Variants in HPCAL1 observed in about 807,000 individuals in gnomAD.
HPCAL1 encodes the protein hippocalcin-like protein 1.
HPCAL1 carries 8 observed loss-of-function variants against 17.1 expected under a neutral mutation model. The observed-to-expected ratio is 0.47, with a 90% CI of 0.27 to 0.84. The LOEUF (loss-of-function observed/expected upper bound fraction) is 0.84. HPCAL1 is among the 40% of genes least tolerant of loss of function. The pLI is 0.13. For synonymous variants in HPCAL1, 112 were observed against 111.4 expected, an observed-to-expected ratio of 1.01 and a Z score of -0.03; for missense variants, 165 against 271.1, an observed-to-expected ratio of 0.61 and a Z score of 2.75.
At chr2:10,402,938 G>C (rs1003943373) in intron 2 of HPCAL1, among the ~76,000 whole-genome samples, 1 of 152,160 alleles carries the variant, frequency 6.6e-6, no homozygotes, top group Non-Finnish European at 1.5e-5. Flanking sequence ...ATTTACAATG[G>C]TATTTCTTAC....
chr2:10,358,887 T>C (rs116709666), intron 1 of HPCAL1, among the ~76,000 whole-genome samples: 1,763 of 152,184 alleles, frequency 0.012, 44 homozygotes, highest in African/African-American at 0.04. Flanking sequence ...AGGGGTATAA[T>C]TGAGCTGACT....
chr2:10,365,933 C>G lies in HPCAL1; in HGVS notation c.-110-30902C>G, dbSNP rs1318201929. Among the ~76,000 whole-genome samples, 1 of 152,322 alleles carries G rather than the reference C, an allele frequency of 6.6e-6. No individual in the cohort carries two copies. Among genetic ancestry groups the G allele is most frequent in the East Asian group, 1.9e-4 (1 of 5,184 alleles). ...GAGATCAGCTATACGTGATATAGAC[C>G]AGGGATGCACGCCTCATGAGGAGAC... On this transcript the variant is annotated intron_variant, in intron 1 of 4. Transcript: ENST00000307845. This position sits in a 1 kb window ranked among gnomAD's most constrained non-coding sequence, Gnocchi z 4.8.
In HPCAL1 at chr2:10,331,125, G is replaced by A. The variant is rs56266907; in HGVS notation, c.-111+27948G>A. Among the ~76,000 whole-genome samples, 12,147 of 152,066 alleles carry A rather than the reference G, an allele frequency of 0.08. 588 individuals are homozygous for A. The highest frequency in any genetic ancestry group is 0.19 in the East Asian group (977 of 5,158). ...GTTTCTCTAAGCCTTGCAAGTGACC[G>A]CACCCTCTTACTGCATGCGGGCCTT... On this transcript the variant is annotated intron_variant, in intron 1 of 4. Transcript: ENST00000307845. This position sits in a 1 kb window ranked among gnomAD's most constrained non-coding sequence, Gnocchi z 5.0.
In HPCAL1 at chr2:10,330,069, A is replaced by G. The variant is rs1664260668; in HGVS notation, c.-111+26892A>G. The G allele has an allele frequency of 6.7e-6, 1 of 149,574 alleles. No homozygotes were observed. Among genetic ancestry groups the G allele is most frequent in the Non-Finnish European group, 1.5e-5 (1 of 67,962 alleles). 9.3% of individuals were successfully genotyped at this position (149,574 alleles called of 1,614,324 possible). A position where few individuals can be genotyped will look rare whatever the true frequency, so the allele number is the denominator to read the frequency against. Reference sequence around the variant, plus strand: ...CCTCAAAACACTTCCTGTTATTTAAATCTTGGTCCTTTGATTTTTTTTTTT... The same window carrying G: ...CCTCAAAACACTTCCTGTTATTTAAGTCTTGGTCCTTTGATTTTTTTTTTT... On this transcript the variant is annotated intron_variant, in intron 1 of 4. Transcript: ENST00000307845. This position sits in a 1 kb window ranked among gnomAD's most constrained non-coding sequence, Gnocchi z 4.2.
chr2:10,313,615 C>G (rs1663119918), intron 1 of HPCAL1, among the ~76,000 whole-genome samples: 1 of 152,160 alleles, frequency 6.6e-6, no homozygotes, highest in South Asian at 2.1e-4. Flanking sequence ...CAGAGTGACT[C>G]CCATCCCATC....
At chr2:10,355,566 TGTTCAGTGGGCAGCA>T in intron 1 of HPCAL1, among the ~76,000 whole-genome samples, 1 of 151,412 alleles carries the variant, frequency 6.6e-6, no homozygotes, top group Admixed American at 6.6e-5. Flanking sequence ...TGTAAAAAGT[TGTTCAGTGGGCAGCA>T]GTAAAGAGGG....
At position 10,377,238 on chromosome 2, in the gene HPCAL1, C is replaced by CCACGCAGGCCGCGCT. The variant is rs1280781888; in HGVS notation, c.-110-19597_-110-19596insCACGCAGGCCGCGCT. 2.6e-5 allele frequency among the ~76,000 whole-genome samples: 4 copies of CCACGCAGGCCGCGCT among 152,170 alleles called. No homozygotes were observed. The highest frequency in any genetic ancestry group is 1.5e-5 in the Non-Finnish European group (1 of 68,030). ...GAGGAGGCTGCCACGCAGGCCGCGC[C>CCACGCAGGCCGCGCT]GCCCCGAATGGCAGGTGGAAGGCGG... On this transcript the variant is annotated intron_variant, in intron 1 of 4. Transcript: ENST00000307845. The surrounding 1 kb of genome is among the most constrained non-coding windows in gnomAD (Gnocchi z 5.9).
At chr2:10,332,664 C>G (rs1397633332) in intron 1 of HPCAL1, among the ~76,000 whole-genome samples, 1 of 152,156 alleles carries the variant, frequency 6.6e-6, no homozygotes, top group Non-Finnish European at 1.5e-5. Flanking sequence ...GGGGAGAGAT[C>G]AGCCCAACTC....
chr2:10,422,770 G>A (rs776814305), intron 3 of HPCAL1, among the ~76,000 whole-genome samples: 1 of 152,202 alleles, frequency 6.6e-6, no homozygotes, highest in Non-Finnish European at 1.5e-5. Context: ...CACCCTCCCA[G>A]TAGAACCCTT....
At chr2:10,424,482 G>A in intron 4 of HPCAL1, 1 of 470,922 alleles carries the variant, frequency 2.1e-6, no homozygotes, top group South Asian at 1.5e-5. Flanking sequence ...TTTTAGCAGG[G>A]CTTGCACTCC....
Position 10,310,948 on chromosome 2 carries a change from C to T in HPCAL1, c.-111+7771C>T, listed in dbSNP as rs1389353158. Among the ~76,000 whole-genome samples, 1 of 152,178 alleles carries T rather than the reference C, an allele frequency of 6.6e-6. No homozygotes were observed. The highest frequency in any genetic ancestry group is 2.4e-5 in the African/African-American group (1 of 41,428). On this transcript the variant is annotated intron_variant, in intron 1 of 4. Transcript: ENST00000307845. This position sits in a 1 kb window ranked among gnomAD's most constrained non-coding sequence, Gnocchi z 4.5. The stretch of plus-strand genomic sequence containing the variant: ...CACTCCCATCTTTTCTATTTGCTGC[C>T]CTGTAATCAATTTTTGGAGAGAAGT...
chr2:10,423,109 G>T (rs777335540), intron 4 of HPCAL1, 21 bp downstream of exon 4: 7 of 1,547,450 alleles, frequency 4.5e-6, no homozygotes, highest in African/African-American at 1.4e-5. Flanking sequence ...GTGGGGGCGG[G>T]GCTGCATGTG....
intron 1 of HPCAL1, among the ~76,000 whole-genome samples, chr2:10,389,352 G>C (rs1572788496): frequency 6.6e-6 from 1 of 152,218 alleles, no homozygotes; most frequent in East Asian, 1.9e-4. Context: ...CAGTCCCTCT[G>C]CTGCCGCTGG....
chr2:10,426,686 G>A (rs746439234), intron 4 of HPCAL1, 38 bp from the exon 5 acceptor site: 2 of 1,514,368 alleles, frequency 1.3e-6, no homozygotes, highest in East Asian at 2.3e-5. Context: ...AAAGAACAGT[G>A]AGCACTGGCT....
At chr2:10,317,560 G>A (rs1663398330) in intron 1 of HPCAL1, among the ~76,000 whole-genome samples, 2 of 152,048 alleles carry the variant, frequency 1.3e-5, no homozygotes. Context: ...TGGGAGTACC[G>A]GGATGCACCA....
rs1056548071 is a variant in HPCAL1, at chr2:10,365,325, G to A, written c.-110-31510G>A. ...TGCACCTGCCTCCAGGTGGTGGCGC[G>A]GTAATTGCAAGAGCGTGAGCCCCTC... On this transcript the variant is annotated intron_variant, in intron 1 of 4. Transcript: ENST00000307845. The surrounding 1 kb of genome is among the most constrained non-coding windows in gnomAD (Gnocchi z 4.8). 2.6e-5 allele frequency among the ~76,000 whole-genome samples: 4 copies of A among 152,184 alleles called. No individual in the cohort carries two copies. The highest frequency in any genetic ancestry group is 2.1e-4 in the South Asian group (1 of 4,830).
rs1666933397 is a variant in HPCAL1 at position 10,367,720 on chromosome 2, G to A, written c.-110-29115G>A. 6.6e-6 allele frequency among the ~76,000 whole-genome samples: 1 copy of A among 152,160 alleles called. No homozygotes were observed. Among genetic ancestry groups the A allele is most frequent in the African/African-American group, 2.4e-5 (1 of 41,428 alleles). On this transcript the variant is annotated intron_variant, in intron 1 of 4. Coordinates refer to ENST00000307845, the MANE Select transcript of HPCAL1 (RefSeq NM_002149.4). The surrounding 1 kb of genome is among the most constrained non-coding windows in gnomAD (Gnocchi z 4.4). ...ACCCACACTCCCATGGAAAGCCTTA[G>A]AACTGATGTCAGTGTGAGCCCTGTG...
In HPCAL1 at chr2:10,419,690, C is replaced by T. The variant is rs542519492; in HGVS notation, c.-24-44C>T. 6 of 1,552,552 alleles carry T rather than the reference C, an allele frequency of 3.9e-6. No homozygotes were observed. The South Asian group carries it at 6.2e-5, about 16-fold the overall frequency. ...CTCCGGCACATGGCTCAGCCCTGCTCCGTGGCCGTGGGTGGCGTCCCCGGC... is the reference window on the plus strand; with the variant it reads ...CTCCGGCACATGGCTCAGCCCTGCTTCGTGGCCGTGGGTGGCGTCCCCGGC... On this transcript the variant is annotated intron_variant, in intron 2 of 4. Coordinates refer to ENST00000307845, the MANE Select transcript of HPCAL1 (RefSeq NM_002149.4). The surrounding 1 kb of genome is among the most constrained non-coding windows in gnomAD (Gnocchi z 5.0).
chr2:10,377,796 C>T lies in HPCAL1; in HGVS notation c.-110-19039C>T, dbSNP rs1667668447. 6.6e-6 allele frequency among the ~76,000 whole-genome samples: 1 copy of T among 152,096 alleles called. No homozygotes were observed. ...CAGAAACATAAAGGGACACCAGAAT[C>T]CCCATCCCCATCCCCAGGGTGGTGA... On this transcript the variant is annotated intron_variant, in intron 1 of 4. Coordinates refer to ENST00000307845, the MANE Select transcript of HPCAL1 (RefSeq NM_002149.4). The surrounding 1 kb of genome is among the most constrained non-coding windows in gnomAD (Gnocchi z 5.9).
Sources: gnomAD v4.1 joint callset for allele counts (sites outside exome capture counted in the v4.1 genomes callset) on GRCh38, gnomAD v4.1.1 for gene constraint, Gnocchi (gnomAD v3.1) non-coding constraint, MANE v1.5 for transcripts, NCBI Gene and HGNC (gene_info 2026-07-23, HGNC 2026-07-21) for gene names.